The following PFKP variants were observed in gnomAD, a reference collection of about 807,000 sequenced individuals.
PFKP encodes the protein phosphofructokinase, platelet, also known as ATP-dependent 6-phosphofructokinase, platelet type.
Under a neutral mutation model 94.3 loss-of-function variants are expected in PFKP, and 101 were observed. The observed-to-expected ratio is 1.07, with a 90% CI of 0.91 to 1.26. The LOEUF (loss-of-function observed/expected upper bound fraction) is 1.26, where lower values mean the gene tolerates loss of function less well. Among genes scored for constraint, PFKP ranks in the 50% most tolerant of loss-of-function variants. The probability of loss-of-function intolerance (pLI) is 0.00; values close to 1 mark genes in which losing one functional copy is unlikely to be tolerated. For synonymous variants in PFKP, 573 were observed against 432.6 expected, an observed-to-expected ratio of 1.32 and a Z score of -4.03; for missense variants, 1,145 against 1,103.3, an observed-to-expected ratio of 1.04 and a Z score of -0.53.
intron 15 of PFKP, 145 bp downstream of exon 15, chr10:3,119,014 G>C (rs1017681688): frequency 4.9e-6 from 3 of 608,358 alleles, no homozygotes; most frequent in Non-Finnish European, 8.7e-6. Context: ...TTGTAGAACA[G>C]CAGGATAGCA....
chr10:3,110,736 G>T (rs1187792389), intron 10 of PFKP, among the ~76,000 whole-genome samples: 1 of 152,142 alleles, frequency 6.6e-6, no homozygotes, highest in Non-Finnish European at 1.5e-5. Flanking sequence ...ATATGTGTGT[G>T]CATGTGTATC....
chr10:3,129,858 C>A lies in PFKP; in HGVS notation c.1723C>A (p.Arg575=). 1 of 1,613,630 alleles carries A rather than the reference C, an allele frequency of 6.2e-7. No homozygotes were observed. The highest frequency in any genetic ancestry group is 2.2e-5 in the East Asian group (1 of 44,848). The change falls in exon 17 of 22, where the codon CGG becomes AGG. Residue 575 remains arginine (R), a synonymous_variant. Transcript: ENST00000381125. The part of the protein sequence containing the change: ...RIKQSASGTK[R]RVFIIETMGG... Reference sequence around the variant, plus strand: ...CAAGCAGTCCGCCAGCGGAACCAAGCGGCGCGTGTTCATCATCGAGACCAT... The same window carrying A: ...CAAGCAGTCCGCCAGCGGAACCAAGAGGCGCGTGTTCATCATCGAGACCAT...
intron 7 of PFKP, 33 bp from the exon 8 acceptor site, chr10:3,107,181 G>A: frequency 7.7e-7 from 1 of 1,305,118 alleles, no homozygotes. Flanking sequence ...ACAGGATTAG[G>A]AATTTGAGAG....
intron 10 of PFKP, 113 bp from the exon 11 acceptor site, chr10:3,112,109 C>T (rs541135750): frequency 3.2e-5 from 27 of 843,490 alleles, no homozygotes; most frequent in East Asian, 3.0e-4. Flanking sequence ...GCTGGCTGCC[C>T]GGGTCAGACT....
At chr10:3,069,439 C>A in intron 1 of PFKP, 1 of 1,516,380 alleles carries the variant, frequency 6.6e-7, no homozygotes, top group East Asian at 2.4e-5. Context: ...AGTGGCTTCT[C>A]AGTCAAAGGC....
intron 2 of PFKP, among the ~76,000 whole-genome samples, chr10:3,097,559 C>T (rs1834590923): frequency 6.6e-6 from 1 of 152,104 alleles, no homozygotes; most frequent in South Asian, 2.1e-4. Context: ...GTCCCTGTAC[C>T]AGCCTGTGAG....
chr10:3,098,826 A>G (rs1834723158), intron 2 of PFKP, among the ~76,000 whole-genome samples: 1 of 152,158 alleles, frequency 6.6e-6, no homozygotes. Context: ...AATATTCAAC[A>G]TACATCCCAA....
At chr10:3,110,365 A>ATTTTT (rs57980780) in intron 10 of PFKP, among the ~76,000 whole-genome samples, 22 of 92,570 alleles carry the variant, frequency 2.4e-4, no homozygotes, top group Admixed American at 3.9e-4. Context: ...CGCCTGGCTA[A>ATTTTT]TTTTTTTTTT....
At chr10:3,093,837 G>T (rs530831257) in intron 2 of PFKP, among the ~76,000 whole-genome samples, 1 of 152,044 alleles carries the variant, frequency 6.6e-6, no homozygotes, top group Non-Finnish European at 1.5e-5. Flanking sequence ...TAGAGGTGGG[G>T]TTTCACCGTG....
chr10:3,128,001 C>T (rs1439241149), intron 16 of PFKP, among the ~76,000 whole-genome samples: 1 of 146,894 alleles, frequency 6.8e-6, no homozygotes, highest in African/African-American at 2.5e-5. Flanking sequence ...TCACGTGGCT[C>T]CTAGTCTCAA....
intron 2 of PFKP, among the ~76,000 whole-genome samples, chr10:3,088,086 G>A (rs1357295781): frequency 7.2e-6 from 1 of 138,262 alleles, no homozygotes; most frequent in Non-Finnish European, 1.5e-5. Context: ...ATGTTGGTTT[G>A]CTGCACCCAT....
At chr10:3,123,662 C>G (rs35671672) in intron 16 of PFKP, among the ~76,000 whole-genome samples, 1 of 151,734 alleles carries the variant, frequency 6.6e-6, no homozygotes, top group Non-Finnish European at 1.5e-5. Context: ...GGGTATTCCA[C>G]AGTAAAGTGA....
chr10:3,134,383 A>C (rs1190254124), intron 19 of PFKP, 100 bp from the exon 20 acceptor site: 45 of 758,286 alleles, frequency 5.9e-5, no homozygotes, highest in Non-Finnish European at 6.3e-5. Context: ...AGGACCTAGA[A>C]ATAAAAACAT....
intron 18 of PFKP, 139 bp from the exon 19 acceptor site, chr10:3,133,064 C>A (rs930165717): frequency 1.5e-6 from 1 of 685,990 alleles, no homozygotes; most frequent in Non-Finnish European, 2.7e-6. Flanking sequence ...AAACCGTGAA[C>A]TGGAGGGACT....
Position 3,132,414 on chromosome 10 carries a change from C to A in PFKP, c.1883C>A (p.Thr628Asn). 1 of 1,612,474 alleles carries A rather than the reference C, an allele frequency of 6.2e-7. No individual in the cohort carries two copies. Among genetic ancestry groups the A allele is most frequent in the Non-Finnish European group, 8.5e-7 (1 of 1,178,524 alleles). Residue 628 changes from threonine (T) to asparagine (N), a missense_variant, in exon 18 of 22, where the codon ACC (threonine) becomes AAC (asparagine). Thr to Asn is a moderately conservative substitution (Grantham distance 65). Coordinates refer to ENST00000381125, the MANE Select transcript of PFKP (RefSeq NM_002627.5). ...NVEHLTEKMK[T>N]TIQRGLVLRN... ...GAGCACCTGACGGAGAAAATGAAGA[C>A]CACCATCCAGAGAGGCCTTGTGCTC...
At position 3,109,495 on chromosome 10, in the gene PFKP, C is replaced by T. The variant is rs776456265; in HGVS notation, c.1089+15C>T. On this transcript the variant is annotated intron_variant, in intron 10 of 21. Transcript: ENST00000381125. ...GCGTGCAGATGGTGAGTGGGCAGCCCATGGCCAAGGGCAGGGCGGAGACGG... is the reference window on the plus strand; with the variant it reads ...GCGTGCAGATGGTGAGTGGGCAGCCTATGGCCAAGGGCAGGGCGGAGACGG... The T allele has an allele frequency of 4.4e-6, 7 of 1,601,200 alleles. No individual in the cohort carries two copies. The South Asian group carries it at 4.4e-5, about 10-fold the overall frequency.
intron 1 of PFKP, chr10:3,069,404 G>C: frequency 1.3e-6 from 2 of 1,580,758 alleles, no homozygotes; most frequent in South Asian, 2.3e-5. Flanking sequence ...GAATGGAGCC[G>C]CCTTGGGGTC....
intron 1 of PFKP, chr10:3,068,814 C>A: frequency 3.8e-6 from 2 of 525,246 alleles, no homozygotes; most frequent in Non-Finnish European, 4.9e-6. Context: ...ACGCGGCGCG[C>A]CCCGAGCTGG....
intron 2 of PFKP, among the ~76,000 whole-genome samples, chr10:3,085,992 G>T (rs1833561654): frequency 6.6e-6 from 1 of 151,984 alleles, no homozygotes; most frequent in South Asian, 2.1e-4. Flanking sequence ...TGGGTGGGCG[G>T]GGGAGAGGGT....
Sources: gnomAD v4.1 joint callset for allele counts (sites outside exome capture counted in the v4.1 genomes callset) on GRCh38, gnomAD v4.1.1 for gene constraint, MANE v1.5 for transcripts, NCBI Gene and HGNC (gene_info 2026-07-23, HGNC 2026-07-21) for gene names.